NBEA: variants seen among roughly 807,000 people sequenced by gnomAD.
NBEA encodes the protein neurobeachin, also known as lysosomal-trafficking regulator 2.
Under a neutral mutation model 343.4 loss-of-function variants are expected in NBEA, and 44 were observed. That is an observed-to-expected ratio of 0.13 (90% CI 0.10 to 0.16). NBEA has a LOEUF of 0.16. Among genes scored for constraint, NBEA ranks in the 10% least tolerant of loss-of-function variants. The pLI, the probability that NBEA is intolerant of heterozygous loss-of-function variation, is 1.00. For synonymous variants in NBEA, 1,175 were observed against 1,238.7 expected (o/e 0.95, Z 1.08); for missense variants, 2,555 against 3,631.3 (o/e 0.70, Z 7.62).
In NBEA at chr13:35,195,907, A is replaced by G; in HGVS notation, c.4971A>G (p.Thr1657=). The G allele has an allele frequency of 6.2e-7, 1 of 1,611,242 alleles. No homozygotes were observed. Among genetic ancestry groups the G allele is most frequent in the Non-Finnish European group, 8.5e-7 (1 of 1,179,090 alleles). The change falls in exon 31 of 59, where the codon ACA becomes ACG. Residue 1657 remains threonine, a synonymous_variant. Transcript: ENST00000379939. ...CAGACACCATAAAAGAAAAAGAAACACCAACTCCTGGTGAAGATATTCAGG... is the reference window on the plus strand; with the variant it reads ...CAGACACCATAAAAGAAAAAGAAACGCCAACTCCTGGTGAAGATATTCAGG... ...AFPDTIKEKE[T]PTPGEDIQVE...
intron 17 of NBEA, among the ~76,000 whole-genome samples, chr13:35,132,726 T>C (rs751213137): frequency 1.3e-5 from 2 of 152,104 alleles, no homozygotes; most frequent in Non-Finnish European, 2.9e-5. Flanking sequence ...GGGCTAGCAA[T>C]GGGAGTGGGA....
chr13:35,279,662 T>C lies in NBEA; in HGVS notation c.5777-10727T>C, dbSNP rs565783375. Among the ~76,000 whole-genome samples, 22 of 152,308 alleles carry C rather than the reference T, an allele frequency of 1.4e-4. No individual in the cohort carries two copies. The South Asian group carries it at 4.1e-3, about 29-fold the overall frequency. On this transcript the variant is annotated intron_variant, in intron 34 of 58. Coordinates refer to ENST00000379939, the MANE Select transcript of NBEA (RefSeq NM_001385012.1). ...GACCTTGATCTGTGCTGTCCAGATA[T>C]GTTGTTCCTTGCTCTCTAGTTTCAG...
At chr13:35,464,793 T>C (rs1038048482) in intron 40 of NBEA, among the ~76,000 whole-genome samples, 1 of 152,184 alleles carries the variant, frequency 6.6e-6, no homozygotes, top group Admixed American at 6.5e-5. Context: ...TCATAATTAT[T>C]CTTGTGTATT....
At chr13:34,946,000 G>A (rs1001280157) in intron 1 of NBEA, among the ~76,000 whole-genome samples, 4 of 152,202 alleles carry the variant, frequency 2.6e-5, no homozygotes, top group African/African-American at 9.6e-5. Flanking sequence ...AATCACCAAT[G>A]TGATATGATA....
chr13:35,207,329 G>T (rs2073459648), intron 31 of NBEA, among the ~76,000 whole-genome samples: 1 of 151,942 alleles, frequency 6.6e-6, no homozygotes, highest in Non-Finnish European at 1.5e-5. Context: ...CATTGAGTAA[G>T]TATGAAATAG....
chr13:35,649,555 C>T lies in NBEA; in HGVS notation c.7771-100C>T, dbSNP rs2084415773. 3 of 971,162 alleles carry T rather than the reference C, an allele frequency of 3.1e-6. No homozygotes were observed. The South Asian group carries it at 4.8e-5, about 15-fold the overall frequency. 60.2% of individuals were successfully genotyped at this position (971,162 alleles called of 1,614,324 possible). Reference sequence around the variant, plus strand: ...GTGGCTTTTCCTCCTTGTGTGTGCTCGTGCTAGCCTTGTCTGTTTAACCTC... The same window carrying T: ...GTGGCTTTTCCTCCTTGTGTGTGCTTGTGCTAGCCTTGTCTGTTTAACCTC... On this transcript the variant is annotated intron_variant, in intron 51 of 58. Coordinates refer to ENST00000379939, the MANE Select transcript of NBEA (RefSeq NM_001385012.1).
At chr13:34,999,580 T>C (rs796734913) in intron 1 of NBEA, among the ~76,000 whole-genome samples, 3 of 152,198 alleles carry the variant, frequency 2.0e-5, no homozygotes, top group Non-Finnish European at 4.4e-5. Flanking sequence ...ATTGTTCTTA[T>C]GCTTACTGTC....
At chr13:35,189,806 G>A (rs988733761) in intron 30 of NBEA, among the ~76,000 whole-genome samples, 2 of 152,014 alleles carry the variant, frequency 1.3e-5, no homozygotes, top group East Asian at 1.9e-4. Context: ...GGCAAAAACT[G>A]TCAAAATCAA....
chr13:35,422,217 A>G (rs199881299), intron 38 of NBEA, among the ~76,000 whole-genome samples: 1 of 150,840 alleles, frequency 6.6e-6, no homozygotes, highest in African/African-American at 2.4e-5. Context: ...TTACATATGT[A>G]TACACGTGCC....
Position 35,613,714 on chromosome 13 carries a change from G to A in NBEA, c.7449+7136G>A, listed in dbSNP as rs1382993053. Among the ~76,000 whole-genome samples, 12 of 152,046 alleles carry A rather than the reference G, an allele frequency of 7.9e-5. No individual in the cohort carries two copies. The South Asian group carries it at 1.7e-3, about 21-fold the overall frequency. On this transcript the variant is annotated intron_variant, in intron 48 of 58. Transcript: ENST00000379939. Reference sequence around the variant, plus strand: ...GTGACCACTGCAGCCTTGAACTCCCGGGCTCAAGTGATCCTCCCACCTCAG... The same window carrying A: ...GTGACCACTGCAGCCTTGAACTCCCAGGCTCAAGTGATCCTCCCACCTCAG...
rs543302207 is a variant in NBEA, at chr13:35,268,995, A to T, written c.5777-21394A>T. Among the ~76,000 whole-genome samples, 402 of 152,214 alleles carry T rather than the reference A, an allele frequency of 2.6e-3. 3 individuals carry two copies. Among genetic ancestry groups the T allele is most frequent in the African/African-American group, 9.0e-3 (376 of 41,574 alleles). On this transcript the variant is annotated intron_variant, in intron 34 of 58. Transcript: ENST00000379939. ...AGCTGAGGAAATTTATTGCCAGCAG[A>T]TCTGTATTGTAACACTGTTAAGAAA...
At position 35,157,378 on chromosome 13, in the gene NBEA, T is replaced by G. The variant is rs2069240895; in HGVS notation, c.2844+108T>G. On this transcript the variant is annotated intron_variant, in intron 21 of 58. Coordinates refer to ENST00000379939, the MANE Select transcript of NBEA (RefSeq NM_001385012.1). ...TGTGGGCATCTTAGATTTTGACAGA[T>G]TCCTGTATCTCAGTTTTGTATTTTT... 4.9e-6 allele frequency: 4 copies of G among 820,416 alleles called. No homozygotes were observed. In the Admixed American group the frequency reaches 1.6e-4, roughly 33 times the overall value. The allele number at this position is 820,416 out of a possible 1,614,324, so 50.8% of individuals were successfully genotyped here. A position where few individuals can be genotyped will look rare whatever the true frequency, so the allele number is the denominator to read the frequency against.
intron 1 of NBEA, among the ~76,000 whole-genome samples, chr13:35,016,587 TATACACACACACACACAC>T (rs2061666638): frequency 2.0e-5 from 1 of 49,036 alleles, no homozygotes; most frequent in African/African-American, 5.3e-5. Flanking sequence ...CTTGTATGTG[TATACACACACACACACAC>T]ACACACACAC....
At chr13:35,417,230 A>G (rs963472472) in intron 38 of NBEA, among the ~76,000 whole-genome samples, 1 of 151,348 alleles carries the variant, frequency 6.6e-6, no homozygotes, top group Non-Finnish European at 1.5e-5. Context: ...TTGTGTCTCT[A>G]TTTCCTTCAG....
At chr13:35,120,119 T>C (rs1238918439) in intron 16 of NBEA, among the ~76,000 whole-genome samples, 2 of 152,244 alleles carry the variant, frequency 1.3e-5, no homozygotes, top group Non-Finnish European at 2.9e-5. Context: ...CACATTACTC[T>C]TGTAGAAGAT....
intron 38 of NBEA, among the ~76,000 whole-genome samples, chr13:35,365,489 T>C (rs1044344435): frequency 5.9e-5 from 9 of 151,794 alleles, no homozygotes; most frequent in Admixed American, 5.3e-4. Context: ...CTTAGCTGCT[T>C]ATTAAAATAT....
At chr13:35,228,317 T>A (rs1025943930) in intron 33 of NBEA, among the ~76,000 whole-genome samples, 1 of 152,060 alleles carries the variant, frequency 6.6e-6, no homozygotes, top group Non-Finnish European at 1.5e-5. Flanking sequence ...TTTGTTAGAG[T>A]GGTTTATAAT....
intron 41 of NBEA, among the ~76,000 whole-genome samples, chr13:35,489,911 T>A (rs2076442900): frequency 6.6e-6 from 1 of 151,958 alleles, no homozygotes. Flanking sequence ...TATGAATAGC[T>A]TTCATGTTCC....
At chr13:35,566,143 A>G (rs1417143169) in intron 44 of NBEA, among the ~76,000 whole-genome samples, 1 of 152,128 alleles carries the variant, frequency 6.6e-6, no homozygotes, top group Non-Finnish European at 1.5e-5. Context: ...CAGATGGATC[A>G]CAAGGTCAGG....
Sources: allele counts gnomAD v4.1 joint callset (sites outside exome capture counted in the v4.1 genomes callset), GRCh38; gene constraint gnomAD v4.1.1; transcripts MANE v1.5; gene names NCBI Gene and HGNC (gene_info 2026-07-23, HGNC 2026-07-21).